MICAL2: variants seen among roughly 807,000 people sequenced by gnomAD.
MICAL2 encodes [F-actin]-monooxygenase MICAL2.
A neutral mutation model predicts 127.3 loss-of-function variants in MICAL2; 77 were observed. The ratio of observed to expected loss-of-function variants is 0.60; its 90% CI spans 0.50 to 0.73. The LOEUF (loss-of-function observed/expected upper bound fraction) is 0.73. Among genes scored for constraint, MICAL2 ranks in the 30% least tolerant of loss-of-function variants. The pLI is 0.00. For synonymous variants in MICAL2, 570 were observed against 551.1 expected (o/e 1.03, Z -0.48); for missense variants, 1,351 against 1,434.4 (o/e 0.94, Z 0.94).
chr11:12,272,827 TC>T (rs1215548875), upstream of MICAL2, among the ~76,000 whole-genome samples: 1 of 149,526 alleles, frequency 6.7e-6, no homozygotes, highest in East Asian at 1.9e-4. Context: ...TGCGACAAGT[TC>T]TTTTCATGTA....
chr11:12,260,812 A>G, intron 26 of MICAL2: 3 of 985,378 alleles, frequency 3.0e-6, no homozygotes, highest in Non-Finnish European at 3.6e-6. Context: ...CCTTGTTTTG[A>G]TGTTAAACAG....
upstream of MICAL2, among the ~76,000 whole-genome samples, chr11:12,272,619 C>T (rs1318853459): frequency 6.6e-6 from 1 of 152,192 alleles, no homozygotes; most frequent in African/African-American, 2.4e-5. Flanking sequence ...TAAGCCTCCC[C>T]AGTCTCAGTG....
At chr11:12,258,214 G>A (rs1238701944) in intron 24 of MICAL2, among the ~76,000 whole-genome samples, 2 of 152,168 alleles carry the variant, frequency 1.3e-5, no homozygotes, top group South Asian at 2.1e-4. Context: ...ATGGTTTGAA[G>A]GTCTTAGCCA....
At chr11:12,156,321 A>G (rs1261461265) in intron 2 of MICAL2, among the ~76,000 whole-genome samples, 1 of 152,200 alleles carries the variant, frequency 6.6e-6, no homozygotes, top group East Asian at 1.9e-4. Context: ...GTGCATGGAA[A>G]GGGGCTTGGG....
In MICAL2 at chr11:12,214,496, T is replaced by C. The variant is rs141587170; in HGVS notation, c.847+1086T>C. Among the ~76,000 whole-genome samples the C allele has an allele frequency of 1.9e-3, 287 of 152,326 alleles. 2 individuals are homozygous for C. Among genetic ancestry groups the C allele is most frequent in the Non-Finnish European group, 3.0e-3 (201 of 68,026 alleles). The stretch of plus-strand genomic sequence containing the variant: ...ACATCATCCTTCTGGTGGTCACTTT[T>C]AGGGGCTGTGGAATATCTCATCAAA... On this transcript the variant is annotated intron_variant, in intron 7 of 27. Transcript: ENST00000683283.
intron 12 of MICAL2, 85 bp downstream of exon 12, chr11:12,223,586 G>T (rs1046498815): frequency 7.4e-6 from 9 of 1,215,092 alleles, no homozygotes; most frequent in Non-Finnish European, 1.1e-5. Flanking sequence ...GGTGACACAG[G>T]CACTGCAACC....
chr11:12,208,098 T>A lies in MICAL2; in HGVS notation c.548T>A (p.Phe183Tyr). The change falls in exon 5 of 28, where the codon TTC becomes TAC. Residue 183 changes from phenylalanine to tyrosine, a missense_variant. By Grantham distance (22) the Phe-to-Tyr change is conservative. Coordinates refer to ENST00000683283, the MANE Select transcript of MICAL2 (RefSeq NM_001282663.2). ...GTTGAAATCCATGTGAATGTGGAGT[T>A]CGTGAAGGTTCTAGAGCCTCCTGAA... ...LGVEIHVNVE[F>Y]VKVLEPPEDQ... 6.2e-7 allele frequency: 1 copy of A among 1,614,174 alleles called. No individual in the cohort carries two copies. Among genetic ancestry groups the A allele is most frequent in the East Asian group, 2.2e-5 (1 of 44,890 alleles).
intron 25 of MICAL2, among the ~76,000 whole-genome samples, chr11:12,259,400 A>G (rs1862790948): frequency 6.6e-6 from 1 of 152,228 alleles, no homozygotes; most frequent in Non-Finnish European, 1.5e-5. Flanking sequence ...GGAAGATTCT[A>G]GTCTATAAAT....
At chr11:12,324,033 T>C (rs1271376216) in exon 31 of MICAL2, 2 of 1,613,470 alleles carry the variant, frequency 1.2e-6, no homozygotes, top group Non-Finnish European at 1.7e-6. Flanking sequence ...AAGCAGTTGG[T>C]TAAGCAAGAA....
intron 32 of MICAL2, among the ~76,000 whole-genome samples, chr11:12,343,332 C>G (rs536293534): frequency 1.3e-5 from 2 of 149,566 alleles, no homozygotes; most frequent in Admixed American, 1.3e-4. Context: ...TGCTTGAACC[C>G]AGGAGGCAGA....
chr11:12,122,841 C>T (rs904905645), intron 1 of MICAL2, among the ~76,000 whole-genome samples: 2 of 152,150 alleles, frequency 1.3e-5, no homozygotes, highest in Non-Finnish European at 1.5e-5. Flanking sequence ...TCTGGGAGAG[C>T]CTTATCATCA....
chr11:12,189,667 G>A (rs1036662770), intron 3 of MICAL2, among the ~76,000 whole-genome samples: 4 of 152,218 alleles, frequency 2.6e-5, no homozygotes, highest in African/African-American at 7.2e-5. Flanking sequence ...GGGTTACAGC[G>A]ATGATGCATT....
intron 29 of MICAL2, among the ~76,000 whole-genome samples, chr11:12,301,904 C>T (rs1244795590): frequency 1.3e-5 from 2 of 152,146 alleles, no homozygotes; most frequent in Non-Finnish European, 2.9e-5. Context: ...GTAGGAGATA[C>T]ACATATGTCT....
At chr11:12,129,636 C>CTTCT (rs1554949317) in intron 1 of MICAL2, among the ~76,000 whole-genome samples, 127 of 97,432 alleles carry the variant, frequency 1.3e-3, no homozygotes, top group East Asian at 3.5e-3. Flanking sequence ...TCTTCTTCTT[C>CTTCT]TTTTTTTTTT....
intron 3 of MICAL2, among the ~76,000 whole-genome samples, chr11:12,185,534 G>A (rs1325172928): frequency 6.6e-6 from 1 of 152,090 alleles, no homozygotes; most frequent in Non-Finnish European, 1.5e-5. Context: ...GCCTGGGGCT[G>A]GAAACTGAGC....
intron 21 of MICAL2, among the ~76,000 whole-genome samples, chr11:12,245,652 G>A (rs1456916149): frequency 6.6e-6 from 1 of 152,238 alleles, no homozygotes; most frequent in East Asian, 1.9e-4. Flanking sequence ...CTCCAGGTCA[G>A]CCACAGGCCA....
At chr11:12,325,756 A>G (rs993614658) in intron 31 of MICAL2, among the ~76,000 whole-genome samples, 4 of 152,150 alleles carry the variant, frequency 2.6e-5, no homozygotes, top group East Asian at 1.9e-4. Context: ...TAAAGGCCCT[A>G]TCTCCAAATA....
intron 3 of MICAL2, among the ~76,000 whole-genome samples, chr11:12,199,487 T>G (rs141235296): frequency 7.2e-5 from 11 of 152,270 alleles, no homozygotes; most frequent in Non-Finnish European, 1.3e-4. Context: ...AAATGAAACC[T>G]GCAGACTGCT....
downstream of MICAL2, among the ~76,000 whole-genome samples, chr11:12,360,659 T>C (rs1565316020): frequency 6.6e-6 from 1 of 152,246 alleles, no homozygotes; most frequent in Non-Finnish European, 1.5e-5. Context: ...TAATTTGTTA[T>C]ATTTCCATCC....
Sources: gnomAD v4.1 joint callset for allele counts (sites outside exome capture counted in the v4.1 genomes callset) on GRCh38, gnomAD v4.1.1 for gene constraint, MANE v1.5 for transcripts, NCBI Gene and HGNC (gene_info 2026-07-23, HGNC 2026-07-21) for gene names.